ABHD2: variants seen among roughly 807,000 people sequenced by gnomAD.
The protein encoded by ABHD2 is monoacylglycerol lipase ABHD2.
ABHD2 carries 20 observed loss-of-function variants against 48.1 expected under a neutral mutation model. The ratio of observed to expected loss-of-function variants is 0.42; its 90% CI spans 0.29 to 0.60. The LOEUF is 0.60. ABHD2 is among the 20% of genes least tolerant of loss of function. The pLI is 0.24. For missense variants in ABHD2, 405 were observed against 550.9 expected (o/e 0.74, Z 2.65); for synonymous variants, 209 against 214.2 (o/e 0.98, Z 0.21).
At chr15:89,119,434 T>C (rs1024412486) in intron 3 of ABHD2, among the ~76,000 whole-genome samples, 2 of 152,236 alleles carry the variant, frequency 1.3e-5, no homozygotes, top group Non-Finnish European at 2.9e-5. Context: ...ATCACCAAAA[T>C]GTTTTCACAT....
rs1335187368 is a variant in ABHD2 at position 89,151,844 on chromosome 15, G to A, written c.362G>A (p.Cys121Tyr). The A allele has an allele frequency of 1.9e-6, 3 of 1,613,986 alleles. No homozygotes were observed. ...FDLFEPLAEH[C>Y]VGDDITMVIC... Reference sequence around the variant, plus strand: ...CTCTTCGAGCCCTTGGCTGAGCACTGTGTTGGAGGTGAGCTGCTTTAGATT... The same window carrying A: ...CTCTTCGAGCCCTTGGCTGAGCACTATGTTGGAGGTGAGCTGCTTTAGATT... The change falls in exon 4 of 11, where the codon TGT becomes TAT. Residue 121 changes from cysteine to tyrosine, a missense_variant. Physicochemically the swap from Cys to Tyr is radical, Grantham distance 194 (BLOSUM62 -2). Transcript: ENST00000352732. The surrounding 1 kb of genome is among the most constrained non-coding windows in gnomAD (Gnocchi z 4.7).
the ABHD2 span, among the ~76,000 whole-genome samples, chr15:89,069,773 A>G: frequency 3.0e-5 from 4 of 133,692 alleles, no homozygotes; most frequent in Admixed American, 1.9e-4. Context: ...TCTGCCTCCC[A>G]GGTTCAAGTG....
chr15:89,093,173 CTTTTTTTTTTTT>C (rs71149272), intron 1 of ABHD2, among the ~76,000 whole-genome samples: 1 of 71,782 alleles, frequency 1.4e-5, no homozygotes, highest in South Asian at 5.9e-4. Context: ...TTTTTTCATT[CTTTTTTTTTTTT>C]TTTTTTTTTT....
the ABHD2 span, among the ~76,000 whole-genome samples, chr15:89,069,022 C>T: frequency 6.6e-6 from 1 of 151,618 alleles, no homozygotes; most frequent in Non-Finnish European, 1.5e-5. Flanking sequence ...TCACCTCAGC[C>T]TCCCAAAGGC....
upstream of ABHD2, among the ~76,000 whole-genome samples, chr15:89,084,370 G>A (rs1484324557): frequency 6.6e-6 from 1 of 152,186 alleles, no homozygotes; most frequent in East Asian, 1.9e-4. This position sits in a 1 kb window ranked among gnomAD's most constrained non-coding sequence, Gnocchi z 4.4. Flanking sequence ...TACGATCTTG[G>A]TTCACTGCAT....
In ABHD2 at chr15:89,195,768, A is replaced by AAAGG. The variant is rs376443690; in HGVS notation, c.*346_*349dup. On this transcript the variant is annotated 3_prime_UTR_variant, in exon 11 of 11. Transcript: ENST00000352732. The surrounding 1 kb of genome is among the most constrained non-coding windows in gnomAD (Gnocchi z 5.1). ...GAATAGCGATTTTGCTTTGCCACCA[A>AAAGG]AAGGCTTTTCCCTGAGAACAGTGAA... The AAAGG allele has an allele frequency of 3.2e-4, 74 of 233,052 alleles. No individual in the cohort carries two copies. Among genetic ancestry groups the AAAGG allele is most frequent in the African/African-American group, 1.5e-3 (65 of 43,852 alleles). The allele number at this position is 233,052 out of a possible 1,614,324, so 14.4% of individuals were successfully genotyped here. A position where few individuals can be genotyped will look rare whatever the true frequency, so the allele number is the denominator to read the frequency against.
intron 1 of ABHD2, chr15:89,093,964 C>T (rs534536124): frequency 4.6e-5 from 7 of 152,302 alleles, no homozygotes; most frequent in Admixed American, 6.5e-5. Flanking sequence ...CCTTAACCTT[C>T]GTCTTGCTTT....
At chr15:89,058,836 A>G in the ABHD2 span, among the ~76,000 whole-genome samples, 2 of 151,366 alleles carry the variant, frequency 1.3e-5, no homozygotes, top group African/African-American at 4.8e-5. Context: ...ACAGCAATCC[A>G]ACGTTGGACA....
chr15:89,078,629 A>G, the ABHD2 span, among the ~76,000 whole-genome samples: 3 of 152,150 alleles, frequency 2.0e-5, no homozygotes, highest in Admixed American at 6.5e-5. Context: ...CTTACAAGGA[A>G]ATTTTTTGTG....
chr15:89,073,541 C>T, the ABHD2 span, among the ~76,000 whole-genome samples: 6 of 152,180 alleles, frequency 3.9e-5, no homozygotes, highest in African/African-American at 7.2e-5. Flanking sequence ...AGGTGATCCA[C>T]CCTCCTCGGC....
chr15:89,068,223 A>AC, the ABHD2 span, among the ~76,000 whole-genome samples: 1 of 125,352 alleles, frequency 8.0e-6, no homozygotes, highest in African/African-American at 3.0e-5. Context: ...CACACACACA[A>AC]ACTCTGTGTG....
intron 3 of ABHD2, among the ~76,000 whole-genome samples, chr15:89,148,495 G>A (rs987743171): frequency 1.9e-4 from 29 of 152,160 alleles, no homozygotes; most frequent in Admixed American, 1.7e-3. Context: ...CTTCGTTATT[G>A]GTGGGAATGT....
In ABHD2 at chr15:89,106,219, A is replaced by C. The variant is rs1056417925; in HGVS notation, c.-106-7506A>C. 11 of 152,194 alleles carry C rather than the reference A, an allele frequency of 7.2e-5. No homozygotes were observed. The highest frequency in any genetic ancestry group is 2.7e-4 in the African/African-American group (11 of 41,434). 9.4% of individuals were successfully genotyped at this position (152,194 alleles called of 1,614,324 possible). A position where few individuals can be genotyped will look rare whatever the true frequency, so the allele number is the denominator to read the frequency against. ...AATCCCAGCTACGCCAGAGGCTTGA[A>C]CCCAGGAGGCAGAGGTTGCAGTGAC... On this transcript the variant is annotated intron_variant, in intron 1 of 10. Transcript: ENST00000352732. This position sits in a 1 kb window ranked among gnomAD's most constrained non-coding sequence, Gnocchi z 4.2.
rs926032438 is a variant in ABHD2, at chr15:89,173,924, A to G, written c.539-1888A>G. On this transcript the variant is annotated intron_variant, in intron 5 of 10. Transcript: ENST00000352732. The surrounding 1 kb of genome is among the most constrained non-coding windows in gnomAD (Gnocchi z 6.5). The stretch of plus-strand genomic sequence containing the variant: ...CAGCTCTTGGCCCGGTTTTTCCCTT[A>G]GTTTTAGGCATCTCTTGCTTAAGCT... 1.3e-5 allele frequency among the ~76,000 whole-genome samples: 2 copies of G among 152,054 alleles called. No individual in the cohort carries two copies. Among genetic ancestry groups the G allele is most frequent in the African/African-American group, 4.8e-5 (2 of 41,388 alleles).
rs2051221354 is a variant in ABHD2, at chr15:89,186,985, A to G, written c.816-1208A>G. On this transcript the variant is annotated intron_variant, in intron 7 of 10. Coordinates refer to ENST00000352732, the MANE Select transcript of ABHD2 (RefSeq NM_152924.5). The surrounding 1 kb of genome is among the most constrained non-coding windows in gnomAD (Gnocchi z 4.3). ...TTATGTCCCCTGTGCTGGCTGGAAA[A>G]TCAGCTGTTCCCACTTGGCTCATGT... is the stretch of plus-strand genomic sequence containing the variant. 6.6e-6 allele frequency among the ~76,000 whole-genome samples: 1 copy of G among 152,170 alleles called. No individual in the cohort carries two copies. Among genetic ancestry groups the G allele is most frequent in the Non-Finnish European group, 1.5e-5 (1 of 68,028 alleles).
At position 89,200,891 on chromosome 15, in the gene ABHD2, G is replaced by T; in HGVS notation, c.*5468G>T. On this transcript the variant is annotated 3_prime_UTR_variant, in exon 11 of 11. Coordinates refer to ENST00000352732, the MANE Select transcript of ABHD2 (RefSeq NM_152924.5). ...GAGGTTAGGAGTTCAAGACCAGCCT[G>T]GCCAACATGGTGAAACCCCTTCTCT... is the stretch of plus-strand genomic sequence containing the variant. 1 of 398,076 alleles carries T rather than the reference G, an allele frequency of 2.5e-6. No individual in the cohort carries two copies. Among genetic ancestry groups the T allele is most frequent in the Non-Finnish European group, 4.6e-6 (1 of 216,450 alleles). The allele number at this position is 398,076 out of a possible 1,614,324, so 24.7% of individuals were successfully genotyped here. A position where few individuals can be genotyped will look rare whatever the true frequency, so the allele number is the denominator to read the frequency against.
At chr15:89,067,392 G>A in the ABHD2 span, among the ~76,000 whole-genome samples, 1 of 152,176 alleles carries the variant, frequency 6.6e-6, no homozygotes, top group Admixed American at 6.5e-5. Context: ...AGTTACAATC[G>A]ATCTAATAGC....
chr15:89,184,477 T>G lies in ABHD2; in HGVS notation c.723-947T>G, dbSNP rs1449842081. On this transcript the variant is annotated intron_variant, in intron 6 of 10. Transcript: ENST00000352732. The surrounding 1 kb of genome is among the most constrained non-coding windows in gnomAD (Gnocchi z 5.1). The stretch of plus-strand genomic sequence containing the variant: ...GAAACGTGCAAGATAAAAGTTTCCC[T>G]GTAATGAGTGTGGACTCAGTGTCCG... Among the ~76,000 whole-genome samples, 2 of 152,204 alleles carry G rather than the reference T, an allele frequency of 1.3e-5. No individual in the cohort carries two copies. The highest frequency in any genetic ancestry group is 2.9e-5 in the Non-Finnish European group (2 of 68,034).
intron 3 of ABHD2, among the ~76,000 whole-genome samples, chr15:89,117,443 G>T (rs970055319): frequency 6.6e-6 from 1 of 152,368 alleles, no homozygotes; most frequent in African/African-American, 2.4e-5. Flanking sequence ...AAGAGATGCA[G>T]TGTTCACTTT....
Sources: gnomAD v4.1 joint callset for allele counts (sites outside exome capture counted in the v4.1 genomes callset) on GRCh38, gnomAD v4.1.1 for gene constraint, Gnocchi (gnomAD v3.1) non-coding constraint, MANE v1.5 for transcripts, NCBI Gene and HGNC (gene_info 2026-07-23, HGNC 2026-07-21) for gene names.